PPP1R16B: variants seen among roughly 807,000 people sequenced by gnomAD.
The protein encoded by PPP1R16B is protein phosphatase 1 regulatory inhibitor subunit 16B.
Under a neutral mutation model 61.7 loss-of-function variants are expected in PPP1R16B, and 14 were observed. The observed-to-expected ratio is 0.23, with a 90% CI of 0.15 to 0.35. PPP1R16B has a LOEUF of 0.35. Among genes scored for constraint, PPP1R16B ranks in the 10% least tolerant of loss-of-function variants. PPP1R16B has a pLI of 1.00. For synonymous variants in PPP1R16B, 266 were observed against 305.3 expected, an observed-to-expected ratio of 0.87 and a Z score of 1.34; for missense variants, 547 against 752.5, an observed-to-expected ratio of 0.73 and a Z score of 3.19.
At chr20:38,807,730 C>G (rs2145699263) in intron 1 of PPP1R16B, among the ~76,000 whole-genome samples, 1 of 152,294 alleles carries the variant, frequency 6.6e-6, no homozygotes, top group South Asian at 2.1e-4. Flanking sequence ...CAACTCTGTG[C>G]CTACTTGTCT....
intron 2 of PPP1R16B, among the ~76,000 whole-genome samples, chr20:38,850,796 G>A (rs537498823): frequency 5.2e-4 from 79 of 151,936 alleles, no homozygotes; most frequent in Non-Finnish European, 1.1e-3. Flanking sequence ...GTGAAACCCT[G>A]TCTCTACTAA....
chr20:38,839,712 A>G (rs1185176432), intron 2 of PPP1R16B, among the ~76,000 whole-genome samples: 2 of 151,478 alleles, frequency 1.3e-5, no homozygotes, highest in South Asian at 2.1e-4. Flanking sequence ...ATCCAACGGT[A>G]TATCTTGGAG....
intron 3 of PPP1R16B, among the ~76,000 whole-genome samples, chr20:38,891,135 A>G (rs893457011): frequency 2.0e-5 from 3 of 152,148 alleles, no homozygotes; most frequent in African/African-American, 7.2e-5. Flanking sequence ...GGCTGCACCC[A>G]CCAGCCATGG....
intron 2 of PPP1R16B, among the ~76,000 whole-genome samples, chr20:38,884,562 C>A (rs543920838): frequency 6.6e-6 from 1 of 152,314 alleles, no homozygotes; most frequent in Non-Finnish European, 1.5e-5. Context: ...CAGAAACAGG[C>A]TGCCTGCCAG....
chr20:38,916,342 T>C (rs1456283474), intron 10 of PPP1R16B, among the ~76,000 whole-genome samples: 1 of 148,120 alleles, frequency 6.8e-6, no homozygotes, highest in African/African-American at 2.5e-5. Flanking sequence ...TATAAATACA[T>C]ATATATGTTA....
At position 38,908,070 on chromosome 20, in the gene PPP1R16B, G is replaced by C. The variant is rs371876589; in HGVS notation, c.1071G>C (p.Leu357=). Reference sequence around the variant, plus strand: ...CCAGCCTGTCGGACAGGACCAACCTGTATAGGAAGGAGTATGAGGGAGAGG... The same window carrying C: ...CCAGCCTGTCGGACAGGACCAACCTCTATAGGAAGGAGTATGAGGGAGAGG... ...RRASLSDRTN[L]YRKEYEGEAI... The change falls in exon 10 of 11, where the codon CTG becomes CTC. Residue 357 remains leucine, a synonymous_variant. Coordinates refer to ENST00000299824, the MANE Select transcript of PPP1R16B (RefSeq NM_015568.4). 3 of 1,614,120 alleles carry C rather than the reference G, an allele frequency of 1.9e-6. No homozygotes were observed. The highest frequency in any genetic ancestry group is 1.3e-5 in the African/African-American group (1 of 74,928).
rs779598614 is a variant in PPP1R16B, at chr20:38,907,948, C to T, written c.1028+13C>T. 6.2e-7 allele frequency: 1 copy of T among 1,614,082 alleles called. No homozygotes were observed. The highest frequency in any genetic ancestry group is 1.1e-5 in the South Asian group (1 of 91,068). On this transcript the variant is annotated intron_variant, in intron 9 of 10. Transcript: ENST00000299824. This position sits in a 1 kb window ranked among gnomAD's most constrained non-coding sequence, Gnocchi z 4.5. ...CAGGCAGCCGTGGGTGAGTCCGGGGCAGGGCAGCCAGGAGTCCCTGTGTGT... is the reference window on the plus strand; with the variant it reads ...CAGGCAGCCGTGGGTGAGTCCGGGGTAGGGCAGCCAGGAGTCCCTGTGTGT...
intron 2 of PPP1R16B, among the ~76,000 whole-genome samples, chr20:38,884,896 C>T (rs991572044): frequency 4.0e-5 from 6 of 151,764 alleles, no homozygotes; most frequent in Non-Finnish European, 8.8e-5. Flanking sequence ...ATGGTGAAAC[C>T]CCGTCTCTAC....
rs1194190534 is a variant in PPP1R16B, at chr20:38,920,795, G to C, written c.*2129G>C. The C allele has an allele frequency of 6.6e-6, 1 of 152,566 alleles. No homozygotes were observed. The highest frequency in any genetic ancestry group is 1.5e-5 in the Non-Finnish European group (1 of 68,342). 9.5% of individuals were successfully genotyped at this position (152,566 alleles called of 1,614,324 possible). A position where few individuals can be genotyped will look rare whatever the true frequency, so the allele number is the denominator to read the frequency against. On this transcript the variant is annotated 3_prime_UTR_variant, in exon 11 of 11. Transcript: ENST00000299824. ...ATGCTTCCCACGACCTTGCCATTTGGGGTGGGCTCTTCAACATCTCAGGCT... is the reference window on the plus strand; with the variant it reads ...ATGCTTCCCACGACCTTGCCATTTGCGGTGGGCTCTTCAACATCTCAGGCT...
intron 1 of PPP1R16B, among the ~76,000 whole-genome samples, chr20:38,809,570 C>G (rs2084684860): frequency 1.3e-5 from 2 of 152,090 alleles, no homozygotes; most frequent in Non-Finnish European, 2.9e-5. Context: ...AGGTCTGAAT[C>G]TTGAAGCTGC....
intron 1 of PPP1R16B, among the ~76,000 whole-genome samples, chr20:38,829,299 T>G (rs902722454): frequency 1.3e-5 from 2 of 152,210 alleles, no homozygotes; most frequent in Admixed American, 1.3e-4. Flanking sequence ...TTAAGTACCC[T>G]ACCCTATTTC....
chr20:38,908,138 C>T lies in PPP1R16B; in HGVS notation c.1139C>T (p.Ser380Phe). 1.2e-6 allele frequency: 2 copies of T among 1,614,234 alleles called. No homozygotes were observed. Among genetic ancestry groups the T allele is most frequent in the Non-Finnish European group, 8.5e-7 (1 of 1,180,034 alleles). ...AGTGCAGCTGAGGATCAGCGGACCT[C>T]CACCTACAACGGGGACATCAGGGAG... ...QRSAAEDQRT[S>F]TYNGDIRETR... The change falls in exon 10 of 11, where the codon TCC (serine) becomes TTC (phenylalanine). Residue 380 changes from serine to phenylalanine, a missense_variant. By Grantham distance (155) the Ser-to-Phe change is radical. Coordinates refer to ENST00000299824, the MANE Select transcript of PPP1R16B (RefSeq NM_015568.4).
At chr20:38,819,623 T>C (rs1479207424) in intron 1 of PPP1R16B, among the ~76,000 whole-genome samples, 3 of 152,200 alleles carry the variant, frequency 2.0e-5, no homozygotes, top group African/African-American at 7.2e-5. Context: ...GCAGCAGCAC[T>C]TTCTGCTCCA....
At chr20:38,909,764 C>T (rs2085474388) in intron 10 of PPP1R16B, among the ~76,000 whole-genome samples, 1 of 152,168 alleles carries the variant, frequency 6.6e-6, no homozygotes, top group South Asian at 2.1e-4. Context: ...AAGGTGCCTG[C>T]CCAAGGGGAG....
At position 38,835,986 on chromosome 20, in the gene PPP1R16B, G is replaced by A; in HGVS notation, c.61G>A (p.Glu21Lys). ...GCTGCTGGAGAAGGTGCCCACGCTGGAGCGGCTGCGGGCTGCCCAGAAGCG... is the reference window on the plus strand; with the variant it reads ...GCTGCTGGAGAAGGTGCCCACGCTGAAGCGGCTGCGGGCTGCCCAGAAGCG... ...LQLLEKVPTL[E>K]RLRAAQKRRA... Residue 21 changes from glutamate (E) to lysine (K), a missense_variant, in exon 2 of 11, where the codon GAG (glutamate) becomes AAG (lysine). Glu to Lys is a moderately conservative substitution (Grantham distance 56). Transcript: ENST00000299824. 6.4e-7 allele frequency: 1 copy of A among 1,558,242 alleles called. No homozygotes were observed. The highest frequency in any genetic ancestry group is 8.7e-7 in the Non-Finnish European group (1 of 1,152,602).
intron 4 of PPP1R16B, 56 bp downstream of exon 4, chr20:38,895,766 A>T (rs1049628341): frequency 7.9e-7 from 1 of 1,262,080 alleles, no homozygotes; most frequent in East Asian, 3.1e-5. Flanking sequence ...TCTTTTTCCA[A>T]CTTCCTTCTT....
chr20:38,892,747 G>C (rs1345546350), intron 3 of PPP1R16B, among the ~76,000 whole-genome samples: 2 of 152,214 alleles, frequency 1.3e-5, no homozygotes, highest in Non-Finnish European at 2.9e-5. Flanking sequence ...AACTGAGAAA[G>C]ACTTCTAAGA....
At position 38,835,895 on chromosome 20, in the gene PPP1R16B, C is replaced by T. The variant is rs982273631; in HGVS notation, c.-31C>T. 6.6e-7 allele frequency: 1 copy of T among 1,516,396 alleles called. No individual in the cohort carries two copies. The highest frequency in any genetic ancestry group is 1.4e-5 in the African/African-American group (1 of 72,606). The allele number at this position is 1,516,396 out of a possible 1,614,324, so 93.9% of individuals were successfully genotyped here. ...TGGCCCCCGGTGCACCGTGCTAGCC[C>T]CCAGCCAGGGCGTTGGGGAGGGCGG... On this transcript the variant is annotated 5_prime_UTR_variant, in exon 2 of 11. Coordinates refer to ENST00000299824, the MANE Select transcript of PPP1R16B (RefSeq NM_015568.4).
chr20:38,874,049 C>T (rs2085149362), intron 2 of PPP1R16B, among the ~76,000 whole-genome samples: 1 of 152,214 alleles, frequency 6.6e-6, no homozygotes, highest in Non-Finnish European at 1.5e-5. Context: ...TCTTTTATGA[C>T]CCAGACTCAC....
Sources: gnomAD v4.1 joint callset for allele counts (sites outside exome capture counted in the v4.1 genomes callset) on GRCh38, gnomAD v4.1.1 for gene constraint, Gnocchi (gnomAD v3.1) non-coding constraint, MANE v1.5 for transcripts, NCBI Gene and HGNC (gene_info 2026-07-23, HGNC 2026-07-21) for gene names.